Variants in KIAA0825 observed in about 807,000 individuals in gnomAD.
KIAA0825 encodes the protein uncharacterized protein KIAA0825.
In KIAA0825, 119 loss-of-function variants were observed where a neutral mutation model predicts 147.6. That is an observed-to-expected ratio of 0.81 (90% CI 0.69 to 0.94). The LOEUF is 0.94. Among genes scored for constraint, KIAA0825 ranks in the 40% least tolerant of loss-of-function variants. KIAA0825 has a pLI of 0.00. For missense variants in KIAA0825, 1,381 were observed against 1,472.7 expected (o/e 0.94, Z 1.02); for synonymous variants, 470 against 518.1 (o/e 0.91, Z 1.26).
intron 20 of KIAA0825, among the ~76,000 whole-genome samples, chr5:94,291,769 G>A (rs552814131): frequency 6.6e-6 from 1 of 152,214 alleles, no homozygotes; most frequent in East Asian, 1.9e-4. Context: ...CCATTTGTTT[G>A]TATCCTCTAT....
intron 20 of KIAA0825, among the ~76,000 whole-genome samples, chr5:94,216,707 C>CT (rs1282689034): frequency 2.6e-5 from 4 of 152,192 alleles, no homozygotes; most frequent in Non-Finnish European, 5.9e-5. Flanking sequence ...AGAATTGTCT[C>CT]TAAGAACTTC....
At chr5:94,249,662 G>A (rs1250358054) in intron 20 of KIAA0825, among the ~76,000 whole-genome samples, 2 of 152,016 alleles carry the variant, frequency 1.3e-5, no homozygotes, top group African/African-American at 4.8e-5. Context: ...TCTTCTCATG[G>A]CTGAGGTCTC....
chr5:94,329,743 C>T (rs200150799), intron 20 of KIAA0825, among the ~76,000 whole-genome samples: 1 of 152,020 alleles, frequency 6.6e-6, no homozygotes, highest in East Asian at 1.9e-4. Flanking sequence ...AATTTTTTCC[C>T]TCCCCCCCTT....
chr5:94,406,268 C>A (rs998948599), intron 15 of KIAA0825, among the ~76,000 whole-genome samples: 1 of 152,176 alleles, frequency 6.6e-6, no homozygotes. Flanking sequence ...TGTTGGGGCA[C>A]TTTAACCTGC....
intron 14 of KIAA0825, among the ~76,000 whole-genome samples, chr5:94,429,644 G>A (rs907791959): frequency 6.6e-6 from 1 of 152,156 alleles, no homozygotes; most frequent in African/African-American, 2.4e-5. Flanking sequence ...ATGTACAGTG[G>A]TCTGAGCTCC....
chr5:94,167,542 C>T (rs562521769), intron 20 of KIAA0825, among the ~76,000 whole-genome samples: 1 of 152,118 alleles, frequency 6.6e-6, no homozygotes, highest in African/African-American at 2.4e-5. Context: ...GAGATCTTTA[C>T]AACCTTATTT....
At chr5:94,243,949 A>G (rs1775480187) in intron 20 of KIAA0825, among the ~76,000 whole-genome samples, 1 of 152,136 alleles carries the variant, frequency 6.6e-6, no homozygotes, top group African/African-American at 2.4e-5. Flanking sequence ...CTCCAGAGAT[A>G]TTTCACTATC....
chr5:94,301,538 G>A (rs1778404037), intron 20 of KIAA0825, among the ~76,000 whole-genome samples: 1 of 152,028 alleles, frequency 6.6e-6, no homozygotes, highest in Non-Finnish European at 1.5e-5. Flanking sequence ...GGAGATTTTA[G>A]CCTAGTTGAT....
chr5:94,361,755 C>G (rs1343205780), intron 20 of KIAA0825, among the ~76,000 whole-genome samples: 4 of 152,118 alleles, frequency 2.6e-5, no homozygotes, highest in Admixed American at 1.3e-4. Context: ...ATTAATTGTT[C>G]CTGTTTCTTC....
intron 20 of KIAA0825, among the ~76,000 whole-genome samples, chr5:94,301,794 T>C (rs1049846557): frequency 6.6e-6 from 1 of 152,134 alleles, no homozygotes; most frequent in African/African-American, 2.4e-5. Context: ...TGAAAACACA[T>C]TATGACCAAG....
chr5:94,536,565 C>T (rs1772064366), intron 3 of KIAA0825, among the ~76,000 whole-genome samples: 2 of 152,202 alleles, frequency 1.3e-5, no homozygotes, highest in African/African-American at 4.8e-5. Context: ...AGCATAACAA[C>T]TCTCTATAAA....
chr5:94,431,241 A>G (rs1755619364), intron 14 of KIAA0825, among the ~76,000 whole-genome samples: 1 of 152,256 alleles, frequency 6.6e-6, no homozygotes, highest in South Asian at 2.1e-4. Context: ...TTAAAGCTCA[A>G]AATGAATTAA....
chr5:94,474,311 T>C (rs183208253), intron 7 of KIAA0825, among the ~76,000 whole-genome samples: 1 of 152,290 alleles, frequency 6.6e-6, no homozygotes, highest in African/African-American at 2.4e-5. Context: ...TAACATTCTC[T>C]AAAGTTCAAA....
intron 12 of KIAA0825, among the ~76,000 whole-genome samples, chr5:94,460,823 A>C (rs1430597706): frequency 6.6e-6 from 1 of 152,048 alleles, no homozygotes; most frequent in Non-Finnish European, 1.5e-5. Flanking sequence ...CTAGGAAAAT[A>C]ATCATGACAT....
chr5:94,216,432 A>G (rs1773206003), intron 20 of KIAA0825, among the ~76,000 whole-genome samples: 3 of 152,178 alleles, frequency 2.0e-5, no homozygotes, highest in Non-Finnish European at 4.4e-5. Context: ...TTCAGATGGA[A>G]TGGAAGGTAG....
At chr5:94,484,306 T>C (rs141919503) in intron 6 of KIAA0825, among the ~76,000 whole-genome samples, 10 of 151,856 alleles carry the variant, frequency 6.6e-5, no homozygotes, top group South Asian at 2.1e-4. Flanking sequence ...CATATCGAAA[T>C]CTGAAGCATC....
At chr5:94,489,420 T>G (rs1763441160) in intron 5 of KIAA0825, among the ~76,000 whole-genome samples, 1 of 152,128 alleles carries the variant, frequency 6.6e-6, no homozygotes, top group Non-Finnish European at 1.5e-5. Context: ...GTCTTTTGTG[T>G]GCTAGAGTTT....
chr5:94,539,562 T>C (rs1489681677), intron 2 of KIAA0825, among the ~76,000 whole-genome samples: 1 of 152,088 alleles, frequency 6.6e-6, no homozygotes, highest in East Asian at 1.9e-4. Flanking sequence ...AAAGGGATGA[T>C]ACTGAAGAAA....
At chr5:94,436,052 A>C (rs1235963507) in intron 14 of KIAA0825, among the ~76,000 whole-genome samples, 1 of 152,044 alleles carries the variant, frequency 6.6e-6, no homozygotes, top group African/African-American at 2.4e-5. Flanking sequence ...TAGTTTGCAA[A>C]ATTTTTTTCC....
Sources: allele counts gnomAD v4.1 joint callset (sites outside exome capture counted in the v4.1 genomes callset), GRCh38; gene constraint gnomAD v4.1.1; transcripts MANE v1.5; gene names NCBI Gene and HGNC (gene_info 2026-07-23, HGNC 2026-07-21).